Variants in DNAJC1 observed in about 807,000 individuals in gnomAD.
DNAJC1 encodes the protein DnaJ heat shock protein family (Hsp40) member C1.
DNAJC1 carries 58 observed loss-of-function variants against 76.6 expected under a neutral mutation model. The ratio of observed to expected loss-of-function variants is 0.76; its 90% CI spans 0.61 to 0.94. The LOEUF is 0.94. Ranked by LOEUF, DNAJC1 falls within the 40% of genes least tolerant of loss-of-function variation. The probability of loss-of-function intolerance (pLI) is 0.00; values close to 1 mark genes in which losing one functional copy is unlikely to be tolerated. For missense variants in DNAJC1, 689 were observed against 677.3 expected (o/e 1.02, Z -0.19); for synonymous variants, 258 against 267.9 (o/e 0.96, Z 0.36).
chr10:21,813,815 C>T (rs1247170997), intron 8 of DNAJC1, among the ~76,000 whole-genome samples: 1 of 152,142 alleles, frequency 6.6e-6, no homozygotes, highest in African/African-American at 2.4e-5. Context: ...CTGTAATACA[C>T]CGCACTGGTT....
At chr10:21,820,086 C>T (rs1194743532) in intron 8 of DNAJC1, among the ~76,000 whole-genome samples, 2 of 152,172 alleles carry the variant, frequency 1.3e-5, no homozygotes, top group African/African-American at 2.4e-5. Context: ...TTAGCAGTCA[C>T]CTTTAATTTG....
chr10:21,928,971 A>C, intron 2 of DNAJC1, 69 bp downstream of exon 2: 1 of 952,172 alleles, frequency 1.1e-6, no homozygotes. Flanking sequence ...TATATAAGTG[A>C]ATATTTCTAC....
At chr10:21,838,640 A>C (rs376761276) in intron 8 of DNAJC1, among the ~76,000 whole-genome samples, 1 of 151,920 alleles carries the variant, frequency 6.6e-6, no homozygotes, top group Non-Finnish European at 1.5e-5. Flanking sequence ...AAAGAAAAAA[A>C]AATAATAATG....
Position 21,759,564 on chromosome 10 carries a change from T to G in DNAJC1, c.1202A>C (p.Lys401Thr), listed in dbSNP as rs1296074153. The part of the protein sequence containing the change: ...KSTVQNSRPI[K>T]TATTLPDDMI... ...GTCATCGGGCAAGGTGGTGGCCGTT[T>G]TGATGGGCCTGGAATTCTGAACTGT... The change falls in exon 11 of 12, where the codon AAA becomes ACA. Residue 401 changes from lysine to threonine, a missense_variant. Lys to Thr is a moderately conservative substitution (Grantham distance 78, BLOSUM62 -1). Transcript: ENST00000376980. 1 of 1,614,114 alleles carries G rather than the reference T, an allele frequency of 6.2e-7. No individual in the cohort carries two copies. The highest frequency in any genetic ancestry group is 1.1e-5 in the South Asian group (1 of 91,074).
chr10:21,896,065 A>G (rs762433654), intron 7 of DNAJC1, among the ~76,000 whole-genome samples: 6 of 152,208 alleles, frequency 3.9e-5, no homozygotes, highest in Non-Finnish European at 8.8e-5. Context: ...ATTTCAACAG[A>G]TGCCTCATAG....
chr10:21,895,724 A>G (rs1836530503), intron 7 of DNAJC1, among the ~76,000 whole-genome samples: 1 of 152,082 alleles, frequency 6.6e-6, no homozygotes, highest in African/African-American at 2.4e-5. Context: ...TCATCAAGAC[A>G]ATGGAAGAAT....
chr10:21,768,682 A>G (rs1290053776), intron 9 of DNAJC1, among the ~76,000 whole-genome samples: 1 of 152,180 alleles, frequency 6.6e-6, no homozygotes, highest in Admixed American at 6.5e-5. Context: ...CACTCTCTCT[A>G]CAGATGACCT....
At chr10:21,966,248 C>T (rs1837886853) in intron 1 of DNAJC1, among the ~76,000 whole-genome samples, 1 of 152,164 alleles carries the variant, frequency 6.6e-6, no homozygotes, top group Admixed American at 6.5e-5. Context: ...TAACACTGTT[C>T]ACTTGGTTAA....
intron 9 of DNAJC1, among the ~76,000 whole-genome samples, chr10:21,778,120 C>T (rs1312888709): frequency 6.6e-6 from 1 of 152,092 alleles, no homozygotes; most frequent in Non-Finnish European, 1.5e-5. Context: ...ACCCAGGAGG[C>T]AGAGGTTGCA....
chr10:21,955,006 A>G (rs957714620), intron 1 of DNAJC1, among the ~76,000 whole-genome samples: 1 of 152,106 alleles, frequency 6.6e-6, no homozygotes, highest in African/African-American at 2.4e-5. Context: ...TCCTTGCTGT[A>G]GGAGGCTGTT....
chr10:21,951,670 T>A (rs1165492551), intron 1 of DNAJC1, among the ~76,000 whole-genome samples: 1 of 152,188 alleles, frequency 6.6e-6, no homozygotes, highest in Non-Finnish European at 1.5e-5. Flanking sequence ...CCCATAACTA[T>A]TTTAAATAAA....
At chr10:21,774,631 T>C (rs1357423185) in intron 9 of DNAJC1, among the ~76,000 whole-genome samples, 1 of 152,120 alleles carries the variant, frequency 6.6e-6, no homozygotes, top group Non-Finnish European at 1.5e-5. Context: ...CCCACCACCA[T>C]GCCCAGCTAA....
intron 1 of DNAJC1, among the ~76,000 whole-genome samples, chr10:21,940,118 T>C (rs900227228): frequency 7.9e-5 from 12 of 152,018 alleles, no homozygotes; most frequent in Admixed American, 7.9e-4. Flanking sequence ...TTCAGGATTA[T>C]AGGATTTTAT....
At chr10:21,958,273 T>C (rs1477958481) in intron 1 of DNAJC1, among the ~76,000 whole-genome samples, 8 of 152,194 alleles carry the variant, frequency 5.3e-5, no homozygotes, top group Admixed American at 5.2e-4. Context: ...TTTTAACAGC[T>C]TTATTTAAGT....
At position 22,003,561 on chromosome 10, in the gene DNAJC1, G is replaced by A. The variant is rs1013885455; in HGVS notation, c.-127C>T. 4.3e-6 allele frequency: 5 copies of A among 1,168,920 alleles called. No individual in the cohort carries two copies. The highest frequency in any genetic ancestry group is 4.3e-6 in the Non-Finnish European group (4 of 921,046). The allele number at this position is 1,168,920 out of a possible 1,614,324, so 72.4% of individuals were successfully genotyped here. The stretch of plus-strand genomic sequence containing the variant: ...AAGCGCGGGCAGGCGCACCGGAGCG[G>A]CCCGCCAGGTGGCTGGCCCCAGACA... On this transcript the variant is annotated 5_prime_UTR_variant, in exon 1 of 12. Transcript: ENST00000376980.
intron 8 of DNAJC1, among the ~76,000 whole-genome samples, chr10:21,843,944 A>G (rs1455039554): frequency 6.6e-6 from 1 of 152,170 alleles, no homozygotes; most frequent in Non-Finnish European, 1.5e-5. Context: ...AGGTGGAGAT[A>G]ACTGAATCAC....
chr10:21,795,595 T>A (rs183264013), intron 9 of DNAJC1, among the ~76,000 whole-genome samples: 34 of 152,306 alleles, frequency 2.2e-4, no homozygotes, highest in Non-Finnish European at 1.8e-4. Flanking sequence ...CTTCGGGTGA[T>A]GAAAATGTCT....
chr10:21,854,490 T>G (rs773387829), intron 8 of DNAJC1, among the ~76,000 whole-genome samples: 3 of 152,060 alleles, frequency 2.0e-5, no homozygotes, highest in Non-Finnish European at 4.4e-5. Context: ...AAATAAAATC[T>G]AATTAATTTA....
At chr10:21,799,297 T>C (rs567986394) in intron 9 of DNAJC1, among the ~76,000 whole-genome samples, 1 of 152,194 alleles carries the variant, frequency 6.6e-6, no homozygotes, top group South Asian at 2.1e-4. Context: ...TGTTTTTTGT[T>C]GTTGTTGTTT....
Sources: gnomAD v4.1 joint callset for allele counts (sites outside exome capture counted in the v4.1 genomes callset) on GRCh38, gnomAD v4.1.1 for gene constraint, MANE v1.5 for transcripts, NCBI Gene and HGNC (gene_info 2026-07-23, HGNC 2026-07-21) for gene names.